AGBL1: variants seen among roughly 807,000 people sequenced by gnomAD.
The protein encoded by AGBL1 is AGBL carboxypeptidase 1.
AGBL1 carries 130 observed loss-of-function variants against 118.9 expected under a neutral mutation model. The observed-to-expected ratio is 1.09, with a 90% CI of 0.95 to 1.26. The LOEUF is 1.26. Ranked by LOEUF, AGBL1 falls within the 50% of genes most tolerant of loss-of-function variation. The pLI is 0.00. For synonymous variants in AGBL1, 555 were observed against 478.9 expected, an observed-to-expected ratio of 1.16 and a Z score of -2.08; for missense variants, 1,584 against 1,298.1, an observed-to-expected ratio of 1.22 and a Z score of -3.38.
intron 18 of AGBL1, among the ~76,000 whole-genome samples, chr15:86,398,292 G>T (rs899135052): frequency 6.6e-6 from 1 of 152,136 alleles, no homozygotes; most frequent in Non-Finnish European, 1.5e-5. Context: ...GGCACCCAAA[G>T]TCACACAGGT....
intron 22 of AGBL1, among the ~76,000 whole-genome samples, chr15:86,725,262 C>G (rs137867668): frequency 2.3e-4 from 35 of 152,232 alleles, no homozygotes; most frequent in African/African-American, 7.9e-4. Flanking sequence ...CATGTATTTC[C>G]AAGAAAATCA....
At chr15:86,636,708 T>C (rs1258001499) in intron 21 of AGBL1, among the ~76,000 whole-genome samples, 13 of 12,130 alleles carry the variant, frequency 1.1e-3, no homozygotes, top group Middle Eastern at 0.071. Context: ...CAGTCATATA[T>C]ATATATATAT....
At chr15:86,883,954 C>T (rs1250223360) in intron 22 of AGBL1, among the ~76,000 whole-genome samples, 1 of 152,124 alleles carries the variant, frequency 6.6e-6, no homozygotes, top group East Asian at 1.9e-4. Context: ...CCAGTGGATG[C>T]CTGAAACTGC....
At chr15:86,866,131 C>A (rs987433233) in intron 22 of AGBL1, among the ~76,000 whole-genome samples, 1 of 152,156 alleles carries the variant, frequency 6.6e-6, no homozygotes, top group Non-Finnish European at 1.5e-5. Context: ...TTCCTTTCAT[C>A]ATAACTCTGA....
At chr15:86,931,265 T>A (rs2080599681) in intron 23 of AGBL1, among the ~76,000 whole-genome samples, 1 of 152,230 alleles carries the variant, frequency 6.6e-6, no homozygotes, top group Non-Finnish European at 1.5e-5. Context: ...CCTCCATGTG[T>A]TGATTTACAA....
Position 86,177,837 on chromosome 15 carries a change from T to C in AGBL1, c.488+18811T>C, listed in dbSNP as rs1428244315. Among the ~76,000 whole-genome samples, 3 of 151,954 alleles carry C rather than the reference T, an allele frequency of 2.0e-5. No individual in the cohort carries two copies. The East Asian group carries it at 5.8e-4, about 29-fold the overall frequency. On this transcript the variant is annotated intron_variant, in intron 5 of 22. Transcript: ENST00000614907. ...GGCACATATCAGAAAAGAAGAAAGA[T>C]GGAATCTCTAATCAACAACCTCAGC...
Position 87,020,670 on chromosome 15 carries a change from A to G in AGBL1, c.3324-8155A>G, listed in dbSNP as rs546030846. On this transcript the variant is annotated intron_variant, in intron 24 of 24. Coordinates refer to the AGBL1 transcript ENST00000441037. ...CAAAGTCTCAGGATACAAAATAAACATGCAAAAATTGCTAGCATTCCTATG... is the reference window on the plus strand; with the variant it reads ...CAAAGTCTCAGGATACAAAATAAACGTGCAAAAATTGCTAGCATTCCTATG... 7.1e-4 allele frequency among the ~76,000 whole-genome samples: 108 copies of G among 152,210 alleles called. 1 individual carries two copies. Among genetic ancestry groups the G allele is most frequent in the African/African-American group, 2.6e-3 (108 of 41,568 alleles).
At chr15:86,491,913 G>A (rs2082785074) in intron 18 of AGBL1, among the ~76,000 whole-genome samples, 1 of 151,808 alleles carries the variant, frequency 6.6e-6, no homozygotes, top group African/African-American at 2.4e-5. Flanking sequence ...GAAAATAGAA[G>A]GGAAATTATA....
intron 23 of AGBL1, among the ~76,000 whole-genome samples, chr15:86,922,747 CAAAAT>C (rs905140291): frequency 1.3e-5 from 2 of 151,906 alleles, no homozygotes; most frequent in East Asian, 1.9e-4. Context: ...TTATACATAA[CAAAAT>C]AAAAAGATTC....
intron 17 of AGBL1, among the ~76,000 whole-genome samples, chr15:86,320,137 A>G (rs1049795802): frequency 6.6e-6 from 1 of 152,196 alleles, no homozygotes; most frequent in Non-Finnish European, 1.5e-5. Flanking sequence ...TTTTAAAACA[A>G]AAATATAAAA....
At chr15:86,756,536 G>A (rs1567159072) in intron 22 of AGBL1, among the ~76,000 whole-genome samples, 1 of 152,102 alleles carries the variant, frequency 6.6e-6, no homozygotes, top group East Asian at 1.9e-4. Context: ...CTGGGCAGGT[G>A]TGGAAAGAAT....
intron 22 of AGBL1, among the ~76,000 whole-genome samples, chr15:86,816,414 A>G (rs749579666): frequency 1.3e-5 from 2 of 152,224 alleles, no homozygotes; most frequent in Non-Finnish European, 2.9e-5. Context: ...CTTTAATGCC[A>G]TTGTGACTTT....
chr15:86,877,858 T>C (rs2079833380), intron 22 of AGBL1, among the ~76,000 whole-genome samples: 1 of 152,216 alleles, frequency 6.6e-6, no homozygotes, highest in Admixed American at 6.5e-5. Context: ...AACCTTCTTC[T>C]CTCTTCTCAC....
intron 5 of AGBL1, among the ~76,000 whole-genome samples, chr15:86,162,784 C>G (rs2077285275): frequency 6.6e-6 from 1 of 152,218 alleles, no homozygotes; most frequent in Non-Finnish European, 1.5e-5. Context: ...TCTCATCTCG[C>G]TTTCCAGCCA....
chr15:86,287,893 A>G (rs1360678555), intron 16 of AGBL1, among the ~76,000 whole-genome samples: 1 of 152,210 alleles, frequency 6.6e-6, no homozygotes. Context: ...CACTGGTGCT[A>G]GTTTTTCTTC....
At chr15:86,123,018 G>A (rs956744749) in intron 1 of AGBL1, among the ~76,000 whole-genome samples, 2 of 152,168 alleles carry the variant, frequency 1.3e-5, no homozygotes, top group African/African-American at 4.8e-5. Flanking sequence ...CAAAATATAT[G>A]TATTTGACAT....
intron 22 of AGBL1, among the ~76,000 whole-genome samples, chr15:86,894,113 T>C (rs2080089610): frequency 6.6e-6 from 1 of 152,186 alleles, no homozygotes; most frequent in Non-Finnish European, 1.5e-5. Flanking sequence ...ACATCAAAGC[T>C]TCCTAGTGAA....
At chr15:86,739,500 T>A (rs1254933777) in intron 22 of AGBL1, among the ~76,000 whole-genome samples, 2 of 129,710 alleles carry the variant, frequency 1.5e-5, no homozygotes. Flanking sequence ...ACAGGATCCA[T>A]CAAGATTCAT....
At chr15:86,437,950 G>GGT (rs1567259371) in intron 18 of AGBL1, among the ~76,000 whole-genome samples, 6 of 152,028 alleles carry the variant, frequency 3.9e-5, no homozygotes, top group African/African-American at 1.5e-4. Context: ...CTATTGCCCA[G>GGT]GCTGGAGTGC....
Sources: gnomAD v4.1 joint callset for allele counts (sites outside exome capture counted in the v4.1 genomes callset) on GRCh38, gnomAD v4.1.1 for gene constraint, MANE v1.5 for transcripts, NCBI Gene and HGNC (gene_info 2026-07-23, HGNC 2026-07-21) for gene names.